FSTL4: variants seen among roughly 807,000 people sequenced by gnomAD.
FSTL4 encodes follistatin like 4.
In FSTL4, 28 loss-of-function variants were observed where a neutral mutation model predicts 78.2. That is an observed-to-expected ratio of 0.36 (90% CI 0.27 to 0.49). The LOEUF is 0.49. Among genes scored for constraint, FSTL4 ranks in the 20% least tolerant of loss-of-function variants. FSTL4 has a pLI of 0.98. For synonymous variants in FSTL4, 422 were observed against 440.5 expected, an observed-to-expected ratio of 0.96 and a Z score of 0.53; for missense variants, 922 against 1,084.9, an observed-to-expected ratio of 0.85 and a Z score of 2.11.
intron 7 of FSTL4, among the ~76,000 whole-genome samples, chr5:133,248,944 A>AC (rs1438073227): frequency 6.6e-6 from 1 of 151,996 alleles, no homozygotes; most frequent in Non-Finnish European, 1.5e-5. Flanking sequence ...CTCCACAGGG[A>AC]CCACCCCTTC....
intron 4 of FSTL4, among the ~76,000 whole-genome samples, chr5:133,369,530 T>G (rs1367097707): frequency 6.6e-6 from 1 of 152,040 alleles, no homozygotes; most frequent in African/African-American, 2.4e-5. Flanking sequence ...TGGCAGGGGG[T>G]TGGGTGGGAG....
chr5:133,213,012 GAT>G (rs1491308071), intron 13 of FSTL4, among the ~76,000 whole-genome samples: 1 of 128,894 alleles, frequency 7.8e-6, no homozygotes, highest in African/African-American at 3.3e-5. Context: ...AGAAAGTAAA[GAT>G]TTTTTTTTTT....
intron 13 of FSTL4, among the ~76,000 whole-genome samples, chr5:133,210,550 T>C (rs898137795): frequency 1.3e-5 from 2 of 152,118 alleles, no homozygotes; most frequent in Admixed American, 6.5e-5. Flanking sequence ...TGGAGTGCAA[T>C]GATGTGATCT....
chr5:133,279,058 T>C (rs1347741566), intron 6 of FSTL4, among the ~76,000 whole-genome samples: 1 of 152,252 alleles, frequency 6.6e-6, no homozygotes, highest in Non-Finnish European at 1.5e-5. Flanking sequence ...AATGCTGCTG[T>C]GAAGCTGGGG....
chr5:133,658,928 T>C, the FSTL4 span, among the ~76,000 whole-genome samples: 2 of 152,126 alleles, frequency 1.3e-5, no homozygotes, highest in Admixed American at 6.5e-5. Flanking sequence ...TCCAGACATA[T>C]AGGGTTTTAA....
intron 3 of FSTL4, among the ~76,000 whole-genome samples, chr5:133,458,860 G>A (rs1294292693): frequency 6.6e-6 from 1 of 152,210 alleles, no homozygotes; most frequent in East Asian, 1.9e-4. Context: ...AGCCTCCTGT[G>A]AAGGCCCCAT....
At chr5:133,672,143 A>T in the FSTL4 span, among the ~76,000 whole-genome samples, 1 of 152,202 alleles carries the variant, frequency 6.6e-6, no homozygotes, top group Admixed American at 6.5e-5. Flanking sequence ...GTGAGGTTAA[A>T]GTTGAGGAGA....
chr5:133,789,856 A>C, the FSTL4 span, among the ~76,000 whole-genome samples: 3 of 152,142 alleles, frequency 2.0e-5, no homozygotes, highest in African/African-American at 7.2e-5. Flanking sequence ...GCCCTGCCTT[A>C]TGTCCTCATC....
the FSTL4 span, among the ~76,000 whole-genome samples, chr5:133,781,088 A>G: frequency 1.3e-5 from 2 of 152,118 alleles, no homozygotes; most frequent in East Asian, 3.8e-4. Flanking sequence ...CTGACTCTTC[A>G]CTGCATGCTC....
chr5:133,417,577 A>G (rs1286349046), intron 3 of FSTL4, among the ~76,000 whole-genome samples: 2 of 152,202 alleles, frequency 1.3e-5, no homozygotes, highest in Non-Finnish European at 2.9e-5. Context: ...GCAAATTATT[A>G]TCTAACAACT....
At chr5:133,289,688 T>C (rs1052862042) in intron 6 of FSTL4, among the ~76,000 whole-genome samples, 2 of 152,256 alleles carry the variant, frequency 1.3e-5, no homozygotes, top group Non-Finnish European at 2.9e-5. Flanking sequence ...TCCTGCAGCC[T>C]GTCCTGGCAC....
At chr5:133,412,218 G>C (rs1323127282) in intron 3 of FSTL4, among the ~76,000 whole-genome samples, 4 of 152,106 alleles carry the variant, frequency 2.6e-5, no homozygotes, top group Admixed American at 1.3e-4. Context: ...GAATACTGTA[G>C]GGGGATGTGC....
intron 2 of FSTL4, among the ~76,000 whole-genome samples, chr5:133,573,128 T>C (rs1482342842): frequency 6.6e-6 from 1 of 151,646 alleles, no homozygotes; most frequent in African/African-American, 2.4e-5. Flanking sequence ...CCTGCAGTCC[T>C]AGCTACTTGG....
At chr5:133,636,655 A>G in the FSTL4 span, among the ~76,000 whole-genome samples, 1 of 152,124 alleles carries the variant, frequency 6.6e-6, no homozygotes, top group Non-Finnish European at 1.5e-5. Context: ...ATATATGTAA[A>G]TTACTCATTT....
chr5:133,529,774 G>GC (rs1450487965), intron 3 of FSTL4, among the ~76,000 whole-genome samples: 1 of 152,104 alleles, frequency 6.6e-6, no homozygotes, highest in Non-Finnish European at 1.5e-5. Flanking sequence ...TGCTGGTTCA[G>GC]AACTCTGTTG....
intron 4 of FSTL4, chr5:133,387,899 A>T (rs1236972179): frequency 1.3e-5 from 2 of 151,980 alleles, no homozygotes; most frequent in Non-Finnish European, 2.9e-5. Flanking sequence ...TGGATACACC[A>T]GTGAAGGCAG....
the FSTL4 span, among the ~76,000 whole-genome samples, chr5:133,693,045 G>A: frequency 1.3e-5 from 2 of 152,212 alleles, no homozygotes; most frequent in Non-Finnish European, 2.9e-5. Flanking sequence ...GCACAGAGTA[G>A]GTGCTCAATA....
intron 5 of FSTL4, among the ~76,000 whole-genome samples, chr5:133,315,272 G>A (rs1257670048): frequency 1.3e-5 from 2 of 152,192 alleles, no homozygotes; most frequent in African/African-American, 2.4e-5. Flanking sequence ...GAGGCACAGC[G>A]AAACGACATT....
intron 3 of FSTL4, among the ~76,000 whole-genome samples, chr5:133,533,563 G>A (rs185757666): frequency 6.6e-6 from 1 of 152,254 alleles, no homozygotes; most frequent in African/African-American, 2.4e-5. Context: ...TTATACTTAA[G>A]CCACCCAGTC....
Sources: allele counts gnomAD v4.1 joint callset (sites outside exome capture counted in the v4.1 genomes callset), GRCh38; gene constraint gnomAD v4.1.1; transcripts MANE v1.5; gene names NCBI Gene and HGNC (gene_info 2026-07-23, HGNC 2026-07-21).